The following CCDC63 variants were observed in gnomAD, a reference collection of about 807,000 sequenced individuals.
The protein encoded by CCDC63 is coiled-coil domain containing 63.
CCDC63 carries 54 observed loss-of-function variants against 63.6 expected under a neutral mutation model. That is an observed-to-expected ratio of 0.85 (90% CI 0.68 to 1.07). The LOEUF (loss-of-function observed/expected upper bound fraction) is 1.07, where lower values mean the gene tolerates loss of function less well. CCDC63 is among the 50% of genes least tolerant of loss of function. CCDC63 has a pLI of 0.00. For synonymous variants in CCDC63, 253 were observed against 266.1 expected (o/e 0.95, Z 0.48); for missense variants, 637 against 689.6 (o/e 0.92, Z 0.86).
intron 10 of CCDC63, among the ~76,000 whole-genome samples, chr12:110,903,942 C>T (rs2071523964): frequency 6.6e-6 from 1 of 152,184 alleles, no homozygotes; most frequent in African/African-American, 2.4e-5. Flanking sequence ...CGTCATCATC[C>T]TGCTAAGGAG....
chr12:110,884,472 C>A (rs1007521629), intron 8 of CCDC63, among the ~76,000 whole-genome samples: 1 of 151,964 alleles, frequency 6.6e-6, no homozygotes, highest in Non-Finnish European at 1.5e-5. Flanking sequence ...CTCAACCTCC[C>A]AGGCTGAAAT....
At chr12:110,848,164 G>C (rs1207151712) in intron 1 of CCDC63, among the ~76,000 whole-genome samples, 1 of 152,252 alleles carries the variant, frequency 6.6e-6, no homozygotes, top group Non-Finnish European at 1.5e-5. Flanking sequence ...AGAATTGTGG[G>C]GAGGGGAGCT....
At chr12:110,875,086 C>G (rs754619983) in intron 5 of CCDC63, among the ~76,000 whole-genome samples, 1 of 152,198 alleles carries the variant, frequency 6.6e-6, no homozygotes, top group Admixed American at 6.5e-5. Flanking sequence ...TTTGAGCAGG[C>G]ATGGTGGGAG....
rs114318536 is a variant in CCDC63 at position 110,865,609 on chromosome 12, G to A, written c.369+6834G>A. 6.8e-3 allele frequency among the ~76,000 whole-genome samples: 1,036 copies of A among 152,244 alleles called. 17 individuals are homozygous for A. Among genetic ancestry groups the A allele is most frequent in the African/African-American group, 0.023 (973 of 41,530 alleles). On this transcript the variant is annotated intron_variant, in intron 4 of 11. Coordinates refer to ENST00000308208, the MANE Select transcript of CCDC63 (RefSeq NM_152591.3). The stretch of plus-strand genomic sequence containing the variant: ...AGGCATGAATTTTCATAGAACAACC[G>A]TTAACTAAATAGTGTTGCGGGTGAC...
chr12:110,904,776 G>A lies in CCDC63; in HGVS notation c.1531G>A (p.Asp511Asn), dbSNP rs116032516. The change falls in exon 11 of 12, where the codon GAC becomes AAC. Residue 511 changes from aspartate to asparagine, a missense_variant. Transcript: ENST00000308208. ...PPVLGADPFS[D>N]RLDDVEQPLD... Reference sequence around the variant, plus strand: ...AGTGCTGGGGGCTGACCCCTTCAGCGACAGGTTGGATGATGGTGAGTTCTC... The same window carrying A: ...AGTGCTGGGGGCTGACCCCTTCAGCAACAGGTTGGATGATGGTGAGTTCTC... 1.9e-5 allele frequency: 31 copies of A among 1,609,680 alleles called. 1 individual carries two copies. In the Middle Eastern group the frequency reaches 5.0e-4, roughly 26 times the overall value.
At chr12:110,886,758 G>A (rs73421360) in intron 8 of CCDC63, among the ~76,000 whole-genome samples, 3,609 of 152,208 alleles carry the variant, frequency 0.024, 134 homozygotes, top group African/African-American at 0.081. Context: ...AGGGCATGGG[G>A]AGGTGTGGGG....
intron 5 of CCDC63, 39 bp from the exon 6 acceptor site, chr12:110,879,867 A>G: frequency 1.2e-6 from 2 of 1,602,420 alleles, no homozygotes; most frequent in Non-Finnish European, 1.7e-6. Context: ...CTTACAAAAC[A>G]GAAATGAGAC....
chr12:110,860,093 G>A (rs1166739757), intron 4 of CCDC63, among the ~76,000 whole-genome samples: 4 of 152,350 alleles, frequency 2.6e-5, no homozygotes, highest in Admixed American at 2.0e-4. Context: ...TTACAAGGGT[G>A]TGGGCATGAG....
In CCDC63 at chr12:110,857,726, G is replaced by A. The variant is rs541035715; in HGVS notation, c.180-860G>A. ...AAATCCCCCTGTTTTCCCACATCCC[G>A]GTAGACATTTCCTCATTAGCACCAC... On this transcript the variant is annotated intron_variant, in intron 3 of 11. Coordinates refer to ENST00000308208, the MANE Select transcript of CCDC63 (RefSeq NM_152591.3). 2.0e-5 allele frequency among the ~76,000 whole-genome samples: 3 copies of A among 152,188 alleles called. No individual in the cohort carries two copies. In the South Asian group the frequency reaches 6.2e-4, roughly 32 times the overall value.
At chr12:110,875,446 A>ATT (rs879583659) in intron 5 of CCDC63, among the ~76,000 whole-genome samples, 1 of 145,600 alleles carries the variant, frequency 6.9e-6, no homozygotes, top group Non-Finnish European at 1.5e-5. Context: ...TATAGGTATA[A>ATT]TTTTTTTTTT....
chr12:110,888,906 C>T, intron 8 of CCDC63, among the ~76,000 whole-genome samples: 1 of 150,888 alleles, frequency 6.6e-6, no homozygotes, highest in Non-Finnish European at 1.5e-5. Flanking sequence ...GGATCTCACA[C>T]TGTCACCCAG....
At chr12:110,878,371 G>GT (rs1207111272) in intron 5 of CCDC63, among the ~76,000 whole-genome samples, 4 of 152,096 alleles carry the variant, frequency 2.6e-5, no homozygotes, top group Non-Finnish European at 5.9e-5. Flanking sequence ...CTGGAGTGCA[G>GT]TGGCGTGATC....
At position 110,853,489 on chromosome 12, in the gene CCDC63, C is replaced by A; in HGVS notation, c.94C>A (p.Arg32=). The change falls in exon 3 of 12, where the codon CGG becomes AGG. Residue 32 remains arginine, a synonymous_variant. Coordinates refer to ENST00000308208, the MANE Select transcript of CCDC63 (RefSeq NM_152591.3). ...AGAGCAGCAGGCGGAGGCAGAGCTC[C>A]GGAAGCTAAGGCAGCAGTTCAGGAA... ...AKEQQAEAEL[R]KLRQQFRKMV... The A allele has an allele frequency of 6.2e-7, 1 of 1,614,156 alleles. No individual in the cohort carries two copies. The highest frequency in any genetic ancestry group is 8.5e-7 in the Non-Finnish European group (1 of 1,180,032).
intron 7 of CCDC63, among the ~76,000 whole-genome samples, chr12:110,881,663 A>G (rs113871839): frequency 6.6e-6 from 1 of 152,178 alleles, no homozygotes; most frequent in Non-Finnish European, 1.5e-5. Flanking sequence ...CAGAGGTTGC[A>G]ATGAGCCAAG....
chr12:110,864,778 C>A (rs1030518841), intron 4 of CCDC63, among the ~76,000 whole-genome samples: 8 of 151,990 alleles, frequency 5.3e-5, no homozygotes, highest in African/African-American at 1.9e-4. Context: ...TCCCCTGGAG[C>A]TGGGGTGGAG....
At chr12:110,851,027 A>G (rs1384717268) in intron 1 of CCDC63, among the ~76,000 whole-genome samples, 1 of 152,160 alleles carries the variant, frequency 6.6e-6, no homozygotes. Context: ...ATTTTGTCAT[A>G]GGCAGGATTT....
intron 5 of CCDC63, among the ~76,000 whole-genome samples, chr12:110,877,416 G>A (rs957632579): frequency 2.0e-5 from 3 of 152,020 alleles, no homozygotes; most frequent in African/African-American, 4.8e-5. Context: ...GTTTCACCAT[G>A]TTGGTCAGGC....
At chr12:110,872,175 T>G (rs1371241727) in intron 4 of CCDC63, among the ~76,000 whole-genome samples, 4 of 152,208 alleles carry the variant, frequency 2.6e-5, no homozygotes, top group African/African-American at 7.2e-5. Context: ...ATTTTGGCCT[T>G]GTGGACCACG....
chr12:110,890,830 G>A (rs533955755), intron 8 of CCDC63, among the ~76,000 whole-genome samples: 1 of 135,104 alleles, frequency 7.4e-6, no homozygotes, highest in South Asian at 2.3e-4. Flanking sequence ...TGGCTGGAGT[G>A]CAGTGGCGGG....
Sources: allele counts gnomAD v4.1 joint callset (sites outside exome capture counted in the v4.1 genomes callset), GRCh38; gene constraint gnomAD v4.1.1; transcripts MANE v1.5; gene names NCBI Gene and HGNC (gene_info 2026-07-23, HGNC 2026-07-21).